Variants in STK32B observed in about 807,000 individuals in gnomAD.
STK32B encodes serine/threonine-protein kinase 32B.
STK32B carries 43 observed loss-of-function variants against 52.6 expected under a neutral mutation model. The observed-to-expected ratio is 0.82, with a 90% CI of 0.64 to 1.05. The LOEUF is 1.05. Ranked by LOEUF, STK32B falls within the 50% of genes least tolerant of loss-of-function variation. STK32B has a pLI of 0.00. For synonymous variants in STK32B, 238 were observed against 204.3 expected, an observed-to-expected ratio of 1.17 and a Z score of -1.41; for missense variants, 621 against 534.6, an observed-to-expected ratio of 1.16 and a Z score of -1.59.
intron 8 of STK32B, among the ~76,000 whole-genome samples, chr4:5,459,257 C>T (rs985466539): frequency 6.6e-5 from 10 of 150,520 alleles, no homozygotes; most frequent in Non-Finnish European, 1.3e-4. Flanking sequence ...CTCTGACTTC[C>T]AGCTCCACCT....
intron 6 of STK32B, among the ~76,000 whole-genome samples, chr4:5,432,939 G>A (rs1322350304): frequency 6.6e-6 from 1 of 152,148 alleles, no homozygotes; most frequent in African/African-American, 2.4e-5. Context: ...ACATATAAGA[G>A]GTTAAGCAGC....
intron 2 of STK32B, among the ~76,000 whole-genome samples, chr4:5,150,784 G>A (rs1333241521): frequency 6.6e-6 from 1 of 152,152 alleles, no homozygotes; most frequent in Non-Finnish European, 1.5e-5. Context: ...GTAGCCCAGT[G>A]AAGTTAGGAG....
At chr4:5,183,534 C>T (rs377294122) in intron 3 of STK32B, among the ~76,000 whole-genome samples, 12 of 151,946 alleles carry the variant, frequency 7.9e-5, no homozygotes, top group African/African-American at 2.9e-4. Flanking sequence ...TGAATTCTTT[C>T]TAGATGTTAA....
In STK32B at chr4:5,490,481, T is replaced by C. The variant is rs915981741; in HGVS notation, c.1107-8464T>C. 1.9e-4 allele frequency among the ~76,000 whole-genome samples: 29 copies of C among 152,140 alleles called. 2 individuals carry two copies. Among genetic ancestry groups the C allele is most frequent in the African/African-American group, 6.3e-4 (26 of 41,438 alleles). ...TTGACTAGGTTGCCAATATACTGAA[T>C]TGGACAAAGAATAATGTGACTAAAT... On this transcript the variant is annotated intron_variant, in intron 11 of 11. Transcript: ENST00000282908.
chr4:5,435,284 C>T (rs888493926), intron 6 of STK32B, among the ~76,000 whole-genome samples: 6 of 152,172 alleles, frequency 3.9e-5, no homozygotes, highest in African/African-American at 1.2e-4. Flanking sequence ...GGTCTTTGGA[C>T]CCTGGACTAC....
At chr4:5,121,341 C>T (rs956736656) in intron 1 of STK32B, among the ~76,000 whole-genome samples, 2 of 152,092 alleles carry the variant, frequency 1.3e-5, no homozygotes, top group African/African-American at 4.8e-5. Flanking sequence ...TAGGTTGGTT[C>T]CATTTCCTTG....
intron 2 of STK32B, among the ~76,000 whole-genome samples, chr4:5,147,623 T>G (rs963638531): frequency 6.6e-6 from 1 of 152,070 alleles, no homozygotes; most frequent in Admixed American, 6.6e-5. Flanking sequence ...TCTGTAAGTG[T>G]TTATCATGTC....
At chr4:5,464,452 C>T (rs555261214) in intron 9 of STK32B, among the ~76,000 whole-genome samples, 1 of 152,180 alleles carries the variant, frequency 6.6e-6, no homozygotes, top group Non-Finnish European at 1.5e-5. Flanking sequence ...TGTCGCAGTG[C>T]GCCTGCCATC....
chr4:5,445,033 A>G (rs1455087494), intron 6 of STK32B, among the ~76,000 whole-genome samples: 2 of 152,252 alleles, frequency 1.3e-5, no homozygotes, highest in African/African-American at 4.8e-5. Context: ...GGAATTCAGC[A>G]GACCTGTAAG....
At chr4:5,026,265 C>T in the STK32B span, among the ~76,000 whole-genome samples, 4 of 152,202 alleles carry the variant, frequency 2.6e-5, no homozygotes, top group Non-Finnish European at 5.9e-5. Flanking sequence ...CAGGGAAATA[C>T]TCTTGGTTTT....
At chr4:5,372,594 A>G (rs1735318516) in intron 4 of STK32B, among the ~76,000 whole-genome samples, 1 of 152,138 alleles carries the variant, frequency 6.6e-6, no homozygotes. Context: ...AAAGGAGAAG[A>G]TGACAACTCT....
intron 11 of STK32B, among the ~76,000 whole-genome samples, chr4:5,493,544 A>C (rs955273259): frequency 1.3e-5 from 2 of 151,982 alleles, no homozygotes; most frequent in African/African-American, 4.8e-5. Context: ...TGGATTCATT[A>C]ATTTTTGAAG....
chr4:5,055,683 C>G (rs1483590925), intron 1 of STK32B, among the ~76,000 whole-genome samples: 1 of 152,150 alleles, frequency 6.6e-6, no homozygotes, highest in Non-Finnish European at 1.5e-5. Context: ...TGCCTCCTTC[C>G]TGCTCGTCTG....
Position 5,500,850 on chromosome 4 carries a change from G to C in STK32B, c.*1767G>C, listed in dbSNP as rs957084282. On this transcript the variant is annotated 3_prime_UTR_variant, in exon 12 of 12. Coordinates refer to ENST00000282908, the MANE Select transcript of STK32B (RefSeq NM_018401.3). ...TCCTCTCCCTACTGTGACCCTGGAG[G>C]CTCTTAAGATGATGATGGTTTTTTT... 1.3e-5 allele frequency: 2 copies of C among 152,170 alleles called. No individual in the cohort carries two copies. The highest frequency in any genetic ancestry group is 2.9e-5 in the Non-Finnish European group (2 of 68,054). The allele number at this position is 152,170 out of a possible 1,614,324, so 9.4% of individuals were successfully genotyped here.
upstream of STK32B, among the ~76,000 whole-genome samples, chr4:5,050,612 C>A (rs1741728874): frequency 6.6e-6 from 1 of 152,100 alleles, no homozygotes; most frequent in Admixed American, 6.5e-5. Flanking sequence ...TCCAGGCGCC[C>A]AGCAGATGGC....
intron 1 of STK32B, among the ~76,000 whole-genome samples, chr4:5,119,115 C>T (rs1259283664): frequency 6.6e-6 from 1 of 152,170 alleles, no homozygotes; most frequent in Non-Finnish European, 1.5e-5. Context: ...TTATTGTGTC[C>T]CCCAAAGCCA....
intron 3 of STK32B, among the ~76,000 whole-genome samples, chr4:5,211,739 GCAAA>G (rs1485796753): frequency 2.6e-5 from 4 of 152,144 alleles, no homozygotes; most frequent in Admixed American, 1.3e-4. Context: ...ACACAAACAA[GCAAA>G]CAAACAATCT....
At chr4:5,489,631 A>AT (rs1337224666) in intron 11 of STK32B, among the ~76,000 whole-genome samples, 5 of 151,392 alleles carry the variant, frequency 3.3e-5, no homozygotes, top group African/African-American at 7.2e-5. Flanking sequence ...ATTTTTTATT[A>AT]TTTTTTTTGA....
chr4:5,112,340 A>G (rs1158341799), intron 1 of STK32B, among the ~76,000 whole-genome samples: 1 of 152,212 alleles, frequency 6.6e-6, no homozygotes, highest in African/African-American at 2.4e-5. Context: ...TCAGGAGACT[A>G]AGACATCCCA....
Sources: allele counts gnomAD v4.1 joint callset (sites outside exome capture counted in the v4.1 genomes callset), GRCh38; gene constraint gnomAD v4.1.1; transcripts MANE v1.5; gene names NCBI Gene and HGNC (gene_info 2026-07-23, HGNC 2026-07-21).